The following CDH12 variants were observed in gnomAD, a reference collection of about 807,000 sequenced individuals.
The protein encoded by CDH12 is cadherin-12.
In CDH12, 41 loss-of-function variants were observed where a neutral mutation model predicts 74.1. The ratio of observed to expected loss-of-function variants is 0.55; its 90% CI spans 0.43 to 0.72. CDH12 has a LOEUF of 0.72. Among genes scored for constraint, CDH12 ranks in the 30% least tolerant of loss-of-function variants. CDH12 has a pLI of 0.00. For missense variants in CDH12, 945 were observed against 977.2 expected, an observed-to-expected ratio of 0.97 and a Z score of 0.44; for synonymous variants, 399 against 355.0, an observed-to-expected ratio of 1.12 and a Z score of -1.39.
At chr5:22,739,702 C>A (rs191076386) in intron 1 of CDH12, among the ~76,000 whole-genome samples, 1 of 151,992 alleles carries the variant, frequency 6.6e-6, no homozygotes, top group Non-Finnish European at 1.5e-5. Context: ...TACCATTTAA[C>A]CATCACCCCT....
intron 4 of CDH12, among the ~76,000 whole-genome samples, chr5:22,203,876 G>A (rs1751055139): frequency 6.6e-6 from 1 of 151,982 alleles, no homozygotes; most frequent in Non-Finnish European, 1.5e-5. Flanking sequence ...TGTTCCTGTT[G>A]GCCATTGTAT....
intron 1 of CDH12, among the ~76,000 whole-genome samples, chr5:22,758,763 T>A (rs994308911): frequency 1.2e-4 from 18 of 152,296 alleles, no homozygotes; most frequent in Admixed American, 1.3e-4. Flanking sequence ...TTTGATTTAT[T>A]TATAATGGTC....
At chr5:22,360,626 A>T (rs886147925) in intron 3 of CDH12, among the ~76,000 whole-genome samples, 3 of 152,148 alleles carry the variant, frequency 2.0e-5, no homozygotes, top group African/African-American at 7.2e-5. Context: ...GACACAACAA[A>T]AAAAAGAGAA....
chr5:22,756,974 T>A (rs935760869), intron 1 of CDH12, among the ~76,000 whole-genome samples: 35 of 151,368 alleles, frequency 2.3e-4, no homozygotes, highest in Non-Finnish European at 4.1e-4. Flanking sequence ...AAAAAAAAAA[T>A]TAATTGTTAC....
intron 3 of CDH12, among the ~76,000 whole-genome samples, chr5:22,229,144 T>A (rs187222411): frequency 1.3e-5 from 2 of 151,242 alleles, no homozygotes; most frequent in East Asian, 3.9e-4. Context: ...TTTCTTTTTT[T>A]TTTTTTAGTA....
At chr5:22,173,589 G>T (rs939114417) in intron 4 of CDH12, among the ~76,000 whole-genome samples, 1 of 151,036 alleles carries the variant, frequency 6.6e-6, no homozygotes, top group Non-Finnish European at 1.5e-5. Flanking sequence ...GAATTACTTC[G>T]ATTTTTACAA....
rs571539993 is a variant in CDH12 at position 21,883,860 on chromosome 5, G to A, written c.527-29070C>T. On this transcript the variant is annotated intron_variant, in intron 6 of 14. Transcript: ENST00000382254. The stretch of plus-strand genomic sequence containing the variant: ...TGAAAAGAAAGACAGAGTTACAGAT[G>A]CCCTTAATGCTACAAGAGCTGCTGT... 7.5e-5 allele frequency: 120 copies of A among 1,607,260 alleles called. 1 individual carries two copies. In the South Asian group the frequency reaches 1.2e-3, roughly 16 times the overall value.
At chr5:21,798,756 C>T (rs1368085671) in intron 10 of CDH12, among the ~76,000 whole-genome samples, 3 of 152,082 alleles carry the variant, frequency 2.0e-5, no homozygotes, top group Non-Finnish European at 4.4e-5. Flanking sequence ...CAATGGATCT[C>T]TTGGCACATT....
intron 1 of CDH12, among the ~76,000 whole-genome samples, chr5:22,758,291 A>T (rs1746034024): frequency 6.6e-6 from 1 of 152,184 alleles, no homozygotes; most frequent in Admixed American, 6.5e-5. Flanking sequence ...AATAAAAGAG[A>T]TTGTTTCTAA....
rs556617680 is a variant in CDH12 at position 22,439,156 on chromosome 5, T to C, written c.-427-33805A>G. On this transcript the variant is annotated intron_variant, in intron 2 of 14. Transcript: ENST00000382254. ...TGACCTCCATTATTAATTTGGGATA[T>C]GAAAATTGACTCTATTATCTGATTA... Among the ~76,000 whole-genome samples the C allele has an allele frequency of 2.0e-5, 3 of 151,942 alleles. No homozygotes were observed. The South Asian group carries it at 6.2e-4, about 32-fold the overall frequency.
intron 1 of CDH12, among the ~76,000 whole-genome samples, chr5:22,595,259 T>C (rs529569634): frequency 6.6e-6 from 1 of 152,336 alleles, no homozygotes; most frequent in South Asian, 2.1e-4. Flanking sequence ...ATATAGTACT[T>C]GACTTATGAA....
At chr5:21,870,523 T>A (rs1751565972) in intron 6 of CDH12, among the ~76,000 whole-genome samples, 1 of 152,176 alleles carries the variant, frequency 6.6e-6, no homozygotes, top group African/African-American at 2.4e-5. Context: ...TCCTGGACTT[T>A]TCAGCCTCCA....
In CDH12 at chr5:22,001,306, C is replaced by A. The variant is rs907545184; in HGVS notation, c.232-25921G>T. On this transcript the variant is annotated intron_variant, in intron 5 of 14. Transcript: ENST00000382254. ...AGAGGCCTACCCGATATCCCGTCCC[C>A]CTCCTCCTTATTAATAGAATCCTTC... Among the ~76,000 whole-genome samples the A allele has an allele frequency of 9.6e-5, 14 of 145,446 alleles. 1 individual carries two copies. The highest frequency in any genetic ancestry group is 3.0e-5 in the Non-Finnish European group (2 of 67,724).
chr5:22,683,532 C>A (rs535999061), intron 1 of CDH12, among the ~76,000 whole-genome samples: 1 of 152,218 alleles, frequency 6.6e-6, no homozygotes, highest in East Asian at 1.9e-4. Flanking sequence ...GGAAGAAACA[C>A]ACTGCAGTGT....
chr5:22,408,379 T>C (rs905658282), intron 2 of CDH12, among the ~76,000 whole-genome samples: 3 of 151,848 alleles, frequency 2.0e-5, no homozygotes, highest in African/African-American at 7.3e-5. Context: ...GTCCTTTTTT[T>C]CAAAATAGTT....
intron 3 of CDH12, among the ~76,000 whole-genome samples, chr5:22,285,573 A>G (rs990181735): frequency 6.6e-6 from 1 of 150,910 alleles, no homozygotes; most frequent in Non-Finnish European, 1.5e-5. Context: ...ACTTTGCTGA[A>G]CACTCAGGTG....
At chr5:22,750,724 C>T (rs866616666) in intron 1 of CDH12, among the ~76,000 whole-genome samples, 26 of 151,918 alleles carry the variant, frequency 1.7e-4, no homozygotes, top group African/African-American at 5.6e-4. Context: ...TTTGGAAGTA[C>T]ATTGAGGAAG....
intron 6 of CDH12, among the ~76,000 whole-genome samples, chr5:21,961,216 C>T (rs1384059331): frequency 6.6e-6 from 1 of 152,142 alleles, no homozygotes; most frequent in Non-Finnish European, 1.5e-5. Flanking sequence ...TTTTGACACT[C>T]TGTTATCAGT....
intron 1 of CDH12, among the ~76,000 whole-genome samples, chr5:22,555,219 TTAATA>T (rs1444624444): frequency 6.6e-6 from 1 of 151,984 alleles, no homozygotes; most frequent in Non-Finnish European, 1.5e-5. Context: ...TGATTGTAAA[TTAATA>T]TAAACAAAAA....
Sources: gnomAD v4.1 joint callset for allele counts (sites outside exome capture counted in the v4.1 genomes callset) on GRCh38, gnomAD v4.1.1 for gene constraint, MANE v1.5 for transcripts, NCBI Gene and HGNC (gene_info 2026-07-23, HGNC 2026-07-21) for gene names.